PIK3C2A: variants seen among roughly 807,000 people sequenced by gnomAD.
The protein encoded by PIK3C2A is phosphatidylinositol 4-phosphate 3-kinase C2 domain-containing subunit alpha.
A neutral mutation model predicts 204.5 loss-of-function variants in PIK3C2A; 97 were observed. That is an observed-to-expected ratio of 0.47 (90% CI 0.40 to 0.56). The LOEUF is 0.56. PIK3C2A is among the 20% of genes least tolerant of loss of function. The probability of loss-of-function intolerance (pLI) is 0.00; values close to 1 mark genes in which losing one functional copy is unlikely to be tolerated. For synonymous variants in PIK3C2A, 653 were observed against 664.4 expected (o/e 0.98, Z 0.26); for missense variants, 1,735 against 1,969.2 (o/e 0.88, Z 2.25).
At chr11:17,098,945 G>A (rs1350686232) in intron 26 of PIK3C2A, among the ~76,000 whole-genome samples, 1 of 152,122 alleles carries the variant, frequency 6.6e-6, no homozygotes, top group Non-Finnish European at 1.5e-5. Context: ...CCTCAGGCTG[G>A]AGTGCAATGG....
At chr11:17,136,236 G>C (rs1189817866) in intron 9 of PIK3C2A, among the ~76,000 whole-genome samples, 1 of 152,150 alleles carries the variant, frequency 6.6e-6, no homozygotes, top group Admixed American at 6.5e-5. Context: ...ATTTATGCCA[G>C]AGGTCCTCCT....
Position 17,136,533 on chromosome 11 carries a change from T to G in PIK3C2A, c.1797A>C (p.Ser599=), listed in dbSNP as rs369208461. 5 of 1,607,922 alleles carry G rather than the reference T, an allele frequency of 3.1e-6. No homozygotes were observed. The East Asian group carries it at 6.7e-5, about 22-fold the overall frequency. Residue 599 remains serine, a synonymous_variant, in exon 9 of 33, where the codon TCA becomes TCC. Coordinates refer to ENST00000691414, the MANE Select transcript of PIK3C2A (RefSeq NM_002645.4). The part of the protein sequence containing the change: ...DGVETLAITE[S]VKKLKRAVNL... The stretch of plus-strand genomic sequence containing the variant: ...TAACTGCTCTCTTTAGCTTCTTTAC[T>G]GATTCTGTAATGGCAAGAGTCTCGA...
At chr11:17,202,732 G>A (rs1041230268) in intron 1 of PIK3C2A, among the ~76,000 whole-genome samples, 5 of 152,172 alleles carry the variant, frequency 3.3e-5, no homozygotes, top group Non-Finnish European at 1.5e-5. Flanking sequence ...GGTCTTGGAG[G>A]GAAAACAGTG....
At chr11:17,171,281 G>C (rs559952463) in intron 1 of PIK3C2A, among the ~76,000 whole-genome samples, 2 of 152,196 alleles carry the variant, frequency 1.3e-5, no homozygotes, top group East Asian at 3.9e-4. Context: ...TAAATGGTAC[G>C]TATTATTAAT....
Position 17,102,696 on chromosome 11 carries a change from A to G in PIK3C2A, c.3817T>C (p.Leu1273=). ...HMFHIDFGKF[L]GHAQMFGSFK... is the part of the protein sequence containing the mutation. Reference sequence around the variant, plus strand: ...CTGCCAAACATCTGTGCATGTCCCAAAAACTTTCCAAAGTCAATGTGAAAC... The same window carrying G: ...CTGCCAAACATCTGTGCATGTCCCAGAAACTTTCCAAAGTCAATGTGAAAC... The change falls in exon 24 of 33, where the codon TTG becomes CTG. Residue 1273 remains leucine, a synonymous_variant. Transcript: ENST00000691414. 1 of 1,613,680 alleles carries G rather than the reference A, an allele frequency of 6.2e-7. No individual in the cohort carries two copies. The highest frequency in any genetic ancestry group is 2.2e-5 in the East Asian group (1 of 44,848).
At chr11:17,173,562 A>C (rs180824846) in intron 1 of PIK3C2A, among the ~76,000 whole-genome samples, 1 of 152,324 alleles carries the variant, frequency 6.6e-6, no homozygotes, top group African/African-American at 2.4e-5. Context: ...CCCAAAGCCA[A>C]CCTTTCATTT....
At chr11:17,177,495 A>T (rs1851374471) in intron 1 of PIK3C2A, among the ~76,000 whole-genome samples, 1 of 152,236 alleles carries the variant, frequency 6.6e-6, no homozygotes, top group African/African-American at 2.4e-5. Context: ...TTACTAAAAA[A>T]TAACATGGTT....
At chr11:17,123,556 G>GATATCTCATATCTC (rs1849432241) in intron 13 of PIK3C2A, among the ~76,000 whole-genome samples, 4 of 151,402 alleles carry the variant, frequency 2.6e-5, no homozygotes, top group African/African-American at 9.7e-5. Context: ...CACCGCACCT[G>GATATCTCATATCTC]GCCAGATATG....
intron 13 of PIK3C2A, among the ~76,000 whole-genome samples, chr11:17,127,271 C>A (rs1052727664): frequency 6.6e-6 from 1 of 151,812 alleles, no homozygotes; most frequent in African/African-American, 2.4e-5. Context: ...AGGGGGGAAG[C>A]GACTAAAATA....
At chr11:17,107,066 C>T (rs1447379477) in intron 22 of PIK3C2A, among the ~76,000 whole-genome samples, 4 of 152,174 alleles carry the variant, frequency 2.6e-5, no homozygotes, top group African/African-American at 9.6e-5. Flanking sequence ...GTAATCCCAG[C>T]ACTTTGGGAG....
At chr11:17,183,983 G>A (rs1332807326) in intron 1 of PIK3C2A, among the ~76,000 whole-genome samples, 1 of 151,376 alleles carries the variant, frequency 6.6e-6, no homozygotes, top group Non-Finnish European at 1.5e-5. Flanking sequence ...GCACATGCCT[G>A]CAATTCTAGC....
chr11:17,167,222 C>T (rs898518209), intron 2 of PIK3C2A, among the ~76,000 whole-genome samples: 24 of 152,180 alleles, frequency 1.6e-4, no homozygotes, highest in South Asian at 8.3e-4. Context: ...ATTCTCCCAC[C>T]GTAGTCTTCC....
At chr11:17,138,084 CA>C (rs1849933982) in intron 8 of PIK3C2A, 7 of 697,716 alleles carry the variant, frequency 1.0e-5, no homozygotes, top group South Asian at 8.2e-5. Flanking sequence ...ATTTAGCACA[CA>C]TGGAATCACC....
intron 19 of PIK3C2A, among the ~76,000 whole-genome samples, chr11:17,116,351 ACAC>A (rs1849189926): frequency 6.6e-6 from 1 of 152,180 alleles, no homozygotes; most frequent in African/African-American, 2.4e-5. Flanking sequence ...ATACTGCTTC[ACAC>A]CCACTAGAAT....
intron 20 of PIK3C2A, among the ~76,000 whole-genome samples, chr11:17,113,523 C>T (rs746899529): frequency 4.6e-5 from 7 of 151,996 alleles, no homozygotes; most frequent in East Asian, 3.9e-4. Flanking sequence ...GACTAAAAAG[C>T]TAATTTAAGA....
At position 17,118,589 on chromosome 11, in the gene PIK3C2A, C is replaced by A. The variant is rs1006415782; in HGVS notation, c.3035+56G>T. 6.3e-6 allele frequency: 5 copies of A among 795,120 alleles called. No homozygotes were observed. In the Admixed American group the frequency reaches 1.0e-4, roughly 16 times the overall value. 49.3% of individuals were successfully genotyped at this position (795,120 alleles called of 1,614,324 possible). ...TACCATTTAGACTTACAGGGTATGC[C>A]ATTTCTATAAATTCTAGGAATGGAA... On this transcript the variant is annotated intron_variant, in intron 18 of 32. Transcript: ENST00000691414.
chr11:17,162,346 AAAAAAC>A (rs1176012989), intron 2 of PIK3C2A, among the ~76,000 whole-genome samples: 1 of 151,908 alleles, frequency 6.6e-6, no homozygotes, highest in African/African-American at 2.4e-5. Context: ...ATCTAAAAAA[AAAAAAC>A]AAAAACAAAA....
chr11:17,102,835 TA>T lies in PIK3C2A; in HGVS notation c.3682-5del. On this transcript the variant is annotated splice_polypyrimidine_tract_variant and splice_region_variant and intron_variant, in intron 23 of 32. Transcript: ENST00000691414. The stretch of plus-strand genomic sequence containing the variant: ...AATAGATAAAGTTCTCTGAAGCCTA[TA>T]AAAAACATACACAATTATTTTAGAA... 2 of 1,553,590 alleles carry T rather than the reference TA, an allele frequency of 1.3e-6. No homozygotes were observed. The highest frequency in any genetic ancestry group is 1.7e-6 in the Non-Finnish European group (2 of 1,143,494).
chr11:17,119,426 T>G, intron 16 of PIK3C2A, 113 bp from the exon 17 acceptor site: 3 of 688,178 alleles, frequency 4.4e-6, no homozygotes, highest in Non-Finnish European at 7.8e-6. Context: ...AGATATCTCT[T>G]TTATTCAAAA....
Sources: gnomAD v4.1 joint callset for allele counts (sites outside exome capture counted in the v4.1 genomes callset) on GRCh38, gnomAD v4.1.1 for gene constraint, MANE v1.5 for transcripts, NCBI Gene and HGNC (gene_info 2026-07-23, HGNC 2026-07-21) for gene names.